The following ARPP21 variants were observed in gnomAD, a reference collection of about 807,000 sequenced individuals.
The protein encoded by ARPP21 is cAMP-regulated phosphoprotein 21.
A neutral mutation model predicts 113.2 loss-of-function variants in ARPP21; 69 were observed. The ratio of observed to expected loss-of-function variants is 0.61; its 90% CI spans 0.50 to 0.74. The LOEUF is 0.74. Ranked by LOEUF, ARPP21 falls within the 30% of genes least tolerant of loss-of-function variation. The probability of loss-of-function intolerance (pLI) is 0.00; values close to 1 mark genes in which losing one functional copy is unlikely to be tolerated. For synonymous variants in ARPP21, 368 were observed against 375.5 expected (o/e 0.98, Z 0.23); for missense variants, 1,070 against 1,037.4 (o/e 1.03, Z -0.43).
At chr3:35,667,839 TCAAAGAAGA>T (rs1340500867) in intron 1 of ARPP21, among the ~76,000 whole-genome samples, 653 of 48,406 alleles carry the variant, frequency 0.013, 23 homozygotes, top group African/African-American at 0.037. Flanking sequence ...ACTTTTATTC[TCAAAGAAGA>T]AGAAGAAGAA....
At chr3:35,715,360 G>C in intron 11 of ARPP21, 79 bp from the exon 12 acceptor site, 1 of 1,186,774 alleles carries the variant, frequency 8.4e-7, no homozygotes, top group Middle Eastern at 1.9e-4. Context: ...GGGAAAGTTA[G>C]TTTTAAAATC....
intron 11 of ARPP21, 41 bp downstream of exon 11, chr3:35,709,111 C>T (rs185783050): frequency 2.9e-6 from 4 of 1,371,160 alleles, no homozygotes; most frequent in Middle Eastern, 3.6e-4. Context: ...GCGCTCCTTC[C>T]AACAGCAGTA....
At chr3:35,652,122 C>T (rs1204144933) in intron 1 of ARPP21, among the ~76,000 whole-genome samples, 1 of 151,984 alleles carries the variant, frequency 6.6e-6, no homozygotes, top group Non-Finnish European at 1.5e-5. Context: ...ACACAAGATT[C>T]CATGCAGTAT....
intron 19 of ARPP21, among the ~76,000 whole-genome samples, chr3:35,761,594 G>A (rs2095781256): frequency 6.6e-6 from 1 of 151,932 alleles, no homozygotes; most frequent in Admixed American, 6.6e-5. Flanking sequence ...CCAAACCTCT[G>A]GTTTTAAAGG....
At position 35,772,916 on chromosome 3, in the gene ARPP21, A is replaced by G. The variant is rs191444307; in HGVS notation, c.2138-19466A>G. Among the ~76,000 whole-genome samples, 35 of 152,256 alleles carry G rather than the reference A, an allele frequency of 2.3e-4. No homozygotes were observed. In the East Asian group the frequency reaches 6.6e-3, roughly 29 times the overall value. ...TTGCACTCCTATAACACAGTCTGTCATTATTAGGTTGCAATTATTTTTGCC... is the reference window on the plus strand; with the variant it reads ...TTGCACTCCTATAACACAGTCTGTCGTTATTAGGTTGCAATTATTTTTGCC... On this transcript the variant is annotated intron_variant, in intron 19 of 20. Transcript: ENST00000684406.
At chr3:35,679,182 C>A (rs1262161407) in intron 1 of ARPP21, among the ~76,000 whole-genome samples, 2 of 151,864 alleles carry the variant, frequency 1.3e-5, no homozygotes, top group African/African-American at 4.8e-5. Flanking sequence ...CACCCTGCAA[C>A]AAGAATATTA....
chr3:35,696,037 G>A (rs2083866743), intron 9 of ARPP21, among the ~76,000 whole-genome samples: 1 of 151,470 alleles, frequency 6.6e-6, no homozygotes, highest in Non-Finnish European at 1.5e-5. Context: ...GAATGATATT[G>A]TCAATGACAG....
intron 19 of ARPP21, among the ~76,000 whole-genome samples, chr3:35,777,356 T>C (rs2096402949): frequency 6.6e-6 from 1 of 152,186 alleles, no homozygotes; most frequent in Admixed American, 6.5e-5. Context: ...TTGCTCCCAG[T>C]TAATAAGCAA....
At chr3:35,685,716 G>A (rs969734581) in intron 5 of ARPP21, 1 of 983,296 alleles carries the variant, frequency 1.0e-6, no homozygotes, top group Non-Finnish European at 1.2e-6. Flanking sequence ...AAAGAATTTT[G>A]CTTTTCTAAT....
intron 13 of ARPP21, among the ~76,000 whole-genome samples, chr3:35,718,302 A>G (rs961797408): frequency 1.3e-5 from 2 of 152,160 alleles, no homozygotes; most frequent in African/African-American, 4.8e-5. Context: ...TCTAGATTGA[A>G]CTATTAAGTT....
chr3:35,701,762 C>T (rs2086498269), intron 9 of ARPP21, among the ~76,000 whole-genome samples: 1 of 150,944 alleles, frequency 6.6e-6, no homozygotes, highest in Admixed American at 6.7e-5. Flanking sequence ...GAGTGATTGA[C>T]AGGGTAGGAG....
In ARPP21 at chr3:35,729,436, A is replaced by G. The variant is rs774038155; in HGVS notation, c.1359A>G (p.Ile453Met). The change falls in exon 15 of 21, where the codon ATA becomes ATG. Residue 453 changes from isoleucine (I) to methionine (M), a missense_variant. Coordinates refer to ENST00000684406, the MANE Select transcript of ARPP21 (RefSeq NM_001385562.1). ...GTGTGCCTTATCCAGAGAATGGAAT[A>G]GGGGGCCAGGTTGCTCCCAGCAGCA... ...PGCVPYPENG[I>M]GGQVAPSSTS... 4.6e-5 allele frequency: 74 copies of G among 1,614,054 alleles called. No homozygotes were observed. Among genetic ancestry groups the G allele is most frequent in the Non-Finnish European group, 5.8e-5 (68 of 1,180,032 alleles).
chr3:35,669,944 C>A (rs17201655), intron 1 of ARPP21, among the ~76,000 whole-genome samples: 43,681 of 151,976 alleles, frequency 0.29, 6,973 homozygotes, highest in East Asian at 0.49. Context: ...ACTGCATGGA[C>A]CATTCAGCCC....
chr3:35,640,513 A>G (rs1425183776), intron 1 of ARPP21, 115 bp downstream of exon 1: 1 of 151,680 alleles, frequency 6.6e-6, no homozygotes, highest in African/African-American at 2.4e-5. Context: ...TCTTGTCTGT[A>G]TTTCTTCTTC....
At chr3:35,725,377 G>A (rs2093447512) in intron 14 of ARPP21, among the ~76,000 whole-genome samples, 1 of 152,166 alleles carries the variant, frequency 6.6e-6, no homozygotes, top group African/African-American at 2.4e-5. Context: ...GGAGCCTCTA[G>A]TCTGGAAGAA....
At chr3:35,721,180 GAA>G (rs908902772) in intron 13 of ARPP21, among the ~76,000 whole-genome samples, 4 of 152,290 alleles carry the variant, frequency 2.6e-5, no homozygotes, top group African/African-American at 9.6e-5. Flanking sequence ...TAAAGAGAGA[GAA>G]AAAGTCTTCT....
At chr3:35,771,556 T>C (rs2096203786) in intron 19 of ARPP21, among the ~76,000 whole-genome samples, 1 of 152,196 alleles carries the variant, frequency 6.6e-6, no homozygotes, top group African/African-American at 2.4e-5. Context: ...CTTCAATTCC[T>C]GACCTCAGGT....
chr3:35,660,054 G>A (rs772004624), intron 1 of ARPP21, among the ~76,000 whole-genome samples: 2 of 152,176 alleles, frequency 1.3e-5, no homozygotes, highest in Non-Finnish European at 2.9e-5. Context: ...CAATGTTCTA[G>A]CCCTGACAAG....
At chr3:35,660,426 C>T (rs889334005) in intron 1 of ARPP21, among the ~76,000 whole-genome samples, 2 of 152,156 alleles carry the variant, frequency 1.3e-5, no homozygotes, top group African/African-American at 4.8e-5. Context: ...ACTCTGCTTC[C>T]ACCCCCTTAT....
Sources: allele counts gnomAD v4.1 joint callset (sites outside exome capture counted in the v4.1 genomes callset), GRCh38; gene constraint gnomAD v4.1.1; transcripts MANE v1.5; gene names NCBI Gene and HGNC (gene_info 2026-07-23, HGNC 2026-07-21).